RNF150: variants seen among roughly 807,000 people sequenced by gnomAD.
RNF150 encodes ring finger protein 150.
In RNF150, 24 loss-of-function variants were observed where a neutral mutation model predicts 39.3. That is an observed-to-expected ratio of 0.61 (90% CI 0.44 to 0.86). RNF150 has a LOEUF of 0.86. RNF150 is among the 40% of genes least tolerant of loss of function. The pLI, the probability that RNF150 is intolerant of heterozygous loss-of-function variation, is 0.00. For missense variants in RNF150, 502 were observed against 587.8 expected, an observed-to-expected ratio of 0.85 and a Z score of 1.51; for synonymous variants, 255 against 227.3, an observed-to-expected ratio of 1.12 and a Z score of -1.10.
intron 6 of RNF150, among the ~76,000 whole-genome samples, chr4:140,870,920 T>C (rs1371568016): frequency 6.6e-6 from 1 of 152,046 alleles, no homozygotes; most frequent in African/African-American, 2.4e-5. Flanking sequence ...AGTGGCTTCA[T>C]ATGGCAGGTC....
At chr4:141,074,324 C>T (rs1737815062) in intron 1 of RNF150, among the ~76,000 whole-genome samples, 1 of 150,852 alleles carries the variant, frequency 6.6e-6, no homozygotes, top group Admixed American at 6.6e-5. Flanking sequence ...TGCCTGGCCA[C>T]TAGATAAAGG....
At chr4:141,205,750 C>A (rs1728364203) in intron 1 of RNF150, among the ~76,000 whole-genome samples, 1 of 152,142 alleles carries the variant, frequency 6.6e-6, no homozygotes, top group Admixed American at 6.5e-5. Context: ...TTCTAAGGGG[C>A]AATCCCAAAT....
intron 1 of RNF150, among the ~76,000 whole-genome samples, chr4:141,067,602 T>A (rs1737512976): frequency 6.6e-6 from 1 of 152,174 alleles, no homozygotes; most frequent in Non-Finnish European, 1.5e-5. Context: ...CATCTCCTAT[T>A]GTTGAGGAAG....
At chr4:141,061,758 C>T (rs1001193017) in intron 1 of RNF150, among the ~76,000 whole-genome samples, 1 of 152,114 alleles carries the variant, frequency 6.6e-6, no homozygotes, top group Non-Finnish European at 1.5e-5. Context: ...ACATAATATA[C>T]TCATAAAAAT....
chr4:141,078,832 T>TATATATAC (rs1269919232), intron 1 of RNF150, among the ~76,000 whole-genome samples: 1 of 102,872 alleles, frequency 9.7e-6, no homozygotes, highest in African/African-American at 4.0e-5. Flanking sequence ...TATATATATA[T>TATATATAC]ACACACACAC....
At chr4:140,944,094 G>A (rs1042107008) in intron 4 of RNF150, among the ~76,000 whole-genome samples, 3 of 152,156 alleles carry the variant, frequency 2.0e-5, no homozygotes, top group Admixed American at 6.5e-5. Context: ...CTGAAGAACA[G>A]TAGGGACACC....
intron 6 of RNF150, among the ~76,000 whole-genome samples, chr4:140,899,974 CTGTGTGTG>C (rs71852763): frequency 5.8e-5 from 4 of 69,166 alleles, no homozygotes; most frequent in African/African-American, 8.6e-5. Flanking sequence ...CTCTCTCTCT[CTGTGTGTG>C]TGTGTGTGTG....
chr4:141,056,331 T>A (rs1301089959), intron 1 of RNF150, among the ~76,000 whole-genome samples: 1 of 151,624 alleles, frequency 6.6e-6, no homozygotes, highest in African/African-American at 2.4e-5. Context: ...AGCCCAGGAG[T>A]TCAAATCCAG....
At chr4:140,879,835 T>A (rs909662385) in intron 6 of RNF150, among the ~76,000 whole-genome samples, 10 of 151,966 alleles carry the variant, frequency 6.6e-5, no homozygotes, top group Non-Finnish European at 5.9e-5. Flanking sequence ...AAAAAAAAAA[T>A]TTGCACCTAG....
chr4:141,114,102 C>T (rs1739473403), intron 1 of RNF150, among the ~76,000 whole-genome samples: 1 of 151,872 alleles, frequency 6.6e-6, no homozygotes, highest in African/African-American at 2.4e-5. Flanking sequence ...AAAAGAATTA[C>T]AGAAGCAACA....
intron 6 of RNF150, among the ~76,000 whole-genome samples, chr4:140,893,302 A>T (rs1729824453): frequency 6.6e-6 from 1 of 152,236 alleles, no homozygotes; most frequent in Admixed American, 6.5e-5. Flanking sequence ...TAGAAATAAA[A>T]GAAATGCAAA....
intron 5 of RNF150, among the ~76,000 whole-genome samples, chr4:140,922,332 A>G (rs1348496618): frequency 6.6e-6 from 1 of 150,520 alleles, no homozygotes; most frequent in Non-Finnish European, 1.5e-5. Context: ...ATAAGAGACA[A>G]ACAGAGAGGC....
At chr4:140,891,438 G>C (rs1443243121) in intron 6 of RNF150, among the ~76,000 whole-genome samples, 1 of 152,168 alleles carries the variant, frequency 6.6e-6, no homozygotes, top group African/African-American at 2.4e-5. Flanking sequence ...GACCACTGTG[G>C]GAGGAACTGG....
intron 1 of RNF150, among the ~76,000 whole-genome samples, chr4:141,040,696 A>G (rs1437268997): frequency 6.6e-6 from 1 of 152,176 alleles, no homozygotes; most frequent in Admixed American, 6.6e-5. Context: ...TAAGTGTTAA[A>G]TAACACATCA....
chr4:140,862,359 A>C lies in RNF150; in HGVS notation c.*5902T>G, dbSNP rs936161222. On this transcript the variant is annotated 3_prime_UTR_variant, in exon 7 of 7. Transcript: ENST00000515673. Reference sequence around the variant, plus strand: ...GCACAGAATTAGAAGATCTTTGATCACTGAAATTCCTGAAAAAGCCACGTG... The same window carrying C: ...GCACAGAATTAGAAGATCTTTGATCCCTGAAATTCCTGAAAAAGCCACGTG... The C allele has an allele frequency of 6.6e-6, 1 of 152,388 alleles. No homozygotes were observed. The highest frequency in any genetic ancestry group is 6.5e-5 in the Admixed American group (1 of 15,310). 9.4% of individuals were successfully genotyped at this position (152,388 alleles called of 1,614,324 possible). A position where few individuals can be genotyped will look rare whatever the true frequency, so the allele number is the denominator to read the frequency against.
intron 1 of RNF150, among the ~76,000 whole-genome samples, chr4:141,016,537 A>G (rs946855401): frequency 9.9e-5 from 15 of 152,252 alleles, no homozygotes; most frequent in African/African-American, 3.6e-4. Flanking sequence ...GCAGTCACAG[A>G]GATGTACCTA....
At chr4:140,925,658 C>T (rs1731369437) in intron 5 of RNF150, among the ~76,000 whole-genome samples, 1 of 152,126 alleles carries the variant, frequency 6.6e-6, no homozygotes. Flanking sequence ...CAGTGTGCAA[C>T]TGGCCCGGGG....
intron 6 of RNF150, among the ~76,000 whole-genome samples, chr4:140,904,163 G>C (rs1206041945): frequency 6.6e-6 from 1 of 152,214 alleles, no homozygotes; most frequent in East Asian, 1.9e-4. Flanking sequence ...TGGTGAGCTA[G>C]AGGGCTCAGA....
At chr4:140,943,945 G>A (rs1309702762) in intron 4 of RNF150, among the ~76,000 whole-genome samples, 1 of 152,178 alleles carries the variant, frequency 6.6e-6, no homozygotes, top group Non-Finnish European at 1.5e-5. Context: ...TTATAGGAAT[G>A]CAGGGAAACG....
Sources: allele counts gnomAD v4.1 joint callset (sites outside exome capture counted in the v4.1 genomes callset), GRCh38; gene constraint gnomAD v4.1.1; transcripts MANE v1.5; gene names NCBI Gene and HGNC (gene_info 2026-07-23, HGNC 2026-07-21).